The following RAB27A variants were observed in gnomAD, a reference collection of about 807,000 sequenced individuals.
RAB27A encodes ras-related protein Rab-27A.
RAB27A carries 17 observed loss-of-function variants against 20.8 expected under a neutral mutation model. That is an observed-to-expected ratio of 0.82 (90% CI 0.56 to 1.23). The LOEUF is 1.23. RAB27A is among the 50% of genes most tolerant of loss of function. The pLI is 0.00. For synonymous variants in RAB27A, 85 were observed against 92.8 expected, an observed-to-expected ratio of 0.92 and a Z score of 0.48; for missense variants, 277 against 266.7, an observed-to-expected ratio of 1.04 and a Z score of -0.27.
intron 2 of RAB27A, among the ~76,000 whole-genome samples, chr15:55,264,266 G>A (rs1298587696): frequency 6.6e-6 from 1 of 152,154 alleles, no homozygotes; most frequent in African/African-American, 2.4e-5. Context: ...GCCCAGGCTG[G>A]TCTCAAACTC....
chr15:55,272,961 G>A (rs1356142017), intron 1 of RAB27A, among the ~76,000 whole-genome samples: 1 of 152,120 alleles, frequency 6.6e-6, no homozygotes, highest in East Asian at 1.9e-4. Flanking sequence ...CAGACAGAAT[G>A]GTGGTCATCT....
intron 6 of RAB27A, among the ~76,000 whole-genome samples, chr15:55,214,434 T>C (rs1159231561): frequency 6.6e-6 from 1 of 152,174 alleles, no homozygotes; most frequent in East Asian, 1.9e-4. Flanking sequence ...AGACTCCGTC[T>C]CAAAACAACA....
At chr15:55,231,880 G>A (rs1337850770) in intron 3 of RAB27A, among the ~76,000 whole-genome samples, 1 of 151,724 alleles carries the variant, frequency 6.6e-6, no homozygotes, top group Non-Finnish European at 1.5e-5. Context: ...AGCAATACCA[G>A]TTAGGGCTAA....
upstream of RAB27A, among the ~76,000 whole-genome samples, chr15:55,291,979 T>G (rs1280957162): frequency 6.6e-6 from 1 of 151,980 alleles, no homozygotes; most frequent in Admixed American, 6.6e-5. Context: ...TTAGAATGAA[T>G]GAGGGCAAGG....
At chr15:55,251,423 T>C (rs1896886021) in intron 2 of RAB27A, among the ~76,000 whole-genome samples, 1 of 152,028 alleles carries the variant, frequency 6.6e-6, no homozygotes, top group African/African-American at 2.4e-5. Context: ...GCATCGACCA[T>C]GGGATAGGAA....
chr15:55,312,478 T>C (rs1024584431), intron 2 of RAB27A, among the ~76,000 whole-genome samples: 2 of 152,196 alleles, frequency 1.3e-5, no homozygotes, highest in African/African-American at 4.8e-5. Context: ...TGCCAAACTT[T>C]CCCAAAGTGA....
chr15:55,214,675 C>T (rs1236396758), intron 6 of RAB27A, among the ~76,000 whole-genome samples: 2 of 152,130 alleles, frequency 1.3e-5, no homozygotes, highest in African/African-American at 4.8e-5. Context: ...TACTGTCAAT[C>T]TTTTTTCCTC....
In RAB27A at chr15:55,204,504, T is replaced by C. The variant is rs1362700797; in HGVS notation, c.*1003A>G. The stretch of plus-strand genomic sequence containing the variant: ...AAACTAATTATTTCAATTCCACCAA[T>C]GGAAAAGCAAAACAAGTTGCAAATA... On this transcript the variant is annotated 3_prime_UTR_variant, in exon 7 of 7. Coordinates refer to ENST00000336787, the MANE Select transcript of RAB27A (RefSeq NM_183235.3). 6.6e-6 allele frequency: 1 copy of C among 152,110 alleles called. No homozygotes were observed. The highest frequency in any genetic ancestry group is 1.5e-5 in the Non-Finnish European group (1 of 68,022). The allele number at this position is 152,110 out of a possible 1,614,324, so 9.4% of individuals were successfully genotyped here. A position where few individuals can be genotyped will look rare whatever the true frequency, so the allele number is the denominator to read the frequency against.
chr15:55,224,793 C>T (rs141947094), intron 5 of RAB27A, among the ~76,000 whole-genome samples: 2 of 152,294 alleles, frequency 1.3e-5, no homozygotes, highest in African/African-American at 4.8e-5. Context: ...AAGGCCTAAA[C>T]GTTCACAGTA....
intron 1 of RAB27A, among the ~76,000 whole-genome samples, chr15:55,280,977 T>A (rs1272929274): frequency 6.6e-6 from 1 of 152,228 alleles, no homozygotes; most frequent in African/African-American, 2.4e-5. Context: ...TACGTGTGCA[T>A]GTGTCTCTAT....
intron 2 of RAB27A, among the ~76,000 whole-genome samples, chr15:55,296,077 G>A (rs1232747976): frequency 1.3e-5 from 2 of 150,766 alleles, no homozygotes; most frequent in African/African-American, 2.4e-5. Flanking sequence ...TGTATTTTTA[G>A]TAGAGACGGG....
chr15:55,310,256 G>C (rs894781161), intron 2 of RAB27A, among the ~76,000 whole-genome samples: 1 of 152,158 alleles, frequency 6.6e-6, no homozygotes, highest in Admixed American at 6.5e-5. Context: ...CAGTTGTCCA[G>C]GACAGAAGAG....
chr15:55,237,077 T>G (rs200150240), intron 2 of RAB27A, among the ~76,000 whole-genome samples: 2 of 152,158 alleles, frequency 1.3e-5, no homozygotes, highest in East Asian at 3.9e-4. Flanking sequence ...TCTACATGAC[T>G]ATTCAAACAT....
chr15:55,211,015 G>A (rs1895001723), intron 6 of RAB27A, among the ~76,000 whole-genome samples: 1 of 152,244 alleles, frequency 6.6e-6, no homozygotes, highest in South Asian at 2.1e-4. Flanking sequence ...ATTTATTGAA[G>A]AGAATGTCCT....
At chr15:55,273,237 T>C (rs1897758233) in intron 1 of RAB27A, among the ~76,000 whole-genome samples, 1 of 151,604 alleles carries the variant, frequency 6.6e-6, no homozygotes, top group Middle Eastern at 3.2e-3. Flanking sequence ...TGAAACTCCA[T>C]CTCTACTAAA....
chr15:55,240,032 T>C (rs184327074), intron 2 of RAB27A, among the ~76,000 whole-genome samples: 95 of 152,284 alleles, frequency 6.2e-4, no homozygotes, highest in African/African-American at 2.1e-3. Context: ...TCATCACTAC[T>C]TATCACTACT....
chr15:55,220,679 A>T (rs1895529493), intron 6 of RAB27A, among the ~76,000 whole-genome samples: 1 of 152,248 alleles, frequency 6.6e-6, no homozygotes, highest in Admixed American at 6.5e-5. Flanking sequence ...CATAAACTTT[A>T]TCCTGTTTTC....
chr15:55,295,059 G>C (rs1595753570), intron 2 of RAB27A, among the ~76,000 whole-genome samples: 1 of 152,136 alleles, frequency 6.6e-6, no homozygotes, highest in East Asian at 1.9e-4. Context: ...CTCCAAAAAA[G>C]ACATAAAAAT....
chr15:55,221,097 G>C (rs1238297796), intron 6 of RAB27A, among the ~76,000 whole-genome samples: 2 of 152,126 alleles, frequency 1.3e-5, no homozygotes, highest in African/African-American at 4.8e-5. Flanking sequence ...CCATATGACA[G>C]AAGGCAGGGT....
Sources: gnomAD v4.1 joint callset for allele counts (sites outside exome capture counted in the v4.1 genomes callset) on GRCh38, gnomAD v4.1.1 for gene constraint, MANE v1.5 for transcripts, NCBI Gene and HGNC (gene_info 2026-07-23, HGNC 2026-07-21) for gene names.